Variants in ABCA12 observed in about 807,000 individuals in gnomAD.
ABCA12 encodes ATP binding cassette subfamily A member 12, also known as glucosylceramide transporter ABCA12.
A neutral mutation model predicts 293.5 loss-of-function variants in ABCA12; 156 were observed. The observed-to-expected ratio is 0.53, with a 90% CI of 0.47 to 0.61. ABCA12 has a LOEUF of 0.61. Ranked by LOEUF, ABCA12 falls within the 20% of genes least tolerant of loss-of-function variation. ABCA12 has a pLI of 0.00. For synonymous variants in ABCA12, 1,063 were observed against 1,108.0 expected (o/e 0.96, Z 0.81); for missense variants, 2,797 against 3,090.2 (o/e 0.91, Z 2.25).
Position 214,986,629 on chromosome 2 carries a change from AC to A in ABCA12, c.4075del (p.Val1359LeufsTer8). The stretch of plus-strand genomic sequence containing the variant: ...GTTCAGATTGAGGTTATCAACAGCA[AC>A]TTTTGAGCCATAGATCTTTGTGACC... Reference protein sequence around the residue: ...HGVTKIYGSKVAVDNLNLNFY... With the variant: ...HGVTKIYGSKXAVDNLNLNFY... On this transcript the variant is annotated frameshift_variant, in exon 28 of 53. Coordinates refer to ENST00000272895, the MANE Select transcript of ABCA12 (RefSeq NM_173076.3). LOFTEE classifies it high-confidence loss of function. 6.2e-7 allele frequency: 1 copy of A among 1,614,084 alleles called. No homozygotes were observed. Among genetic ancestry groups the A allele is most frequent in the Non-Finnish European group, 8.5e-7 (1 of 1,179,986 alleles).
chr2:215,117,939 TG>T (rs750778109), intron 1 of ABCA12, among the ~76,000 whole-genome samples: 1 of 152,208 alleles, frequency 6.6e-6, no homozygotes, highest in Admixed American at 6.5e-5. Flanking sequence ...GAAATGTGAA[TG>T]CCTTTAAATA....
At chr2:215,117,085 G>A (rs1195842953) in intron 1 of ABCA12, among the ~76,000 whole-genome samples, 2 of 152,178 alleles carry the variant, frequency 1.3e-5, no homozygotes, top group Non-Finnish European at 2.9e-5. Flanking sequence ...GGGGGTAATG[G>A]AGCACCAATT....
At chr2:214,991,508 C>A (rs2105977420) in intron 23 of ABCA12, among the ~76,000 whole-genome samples, 1 of 151,940 alleles carries the variant, frequency 6.6e-6, no homozygotes, top group East Asian at 1.9e-4. Context: ...CACTAATGAA[C>A]AACACAATCA....
intron 1 of ABCA12, among the ~76,000 whole-genome samples, chr2:215,127,166 T>C (rs907134019): frequency 6.6e-6 from 1 of 152,202 alleles, no homozygotes; most frequent in Non-Finnish European, 1.5e-5. Flanking sequence ...GTGCTTGATA[T>C]AATTTCAATT....
At chr2:214,991,554 T>C (rs1009298490) in intron 23 of ABCA12, among the ~76,000 whole-genome samples, 1 of 152,162 alleles carries the variant, frequency 6.6e-6, no homozygotes, top group African/African-American at 2.4e-5. Context: ...TATACCTGAT[T>C]CCTAAGAATT....
chr2:215,002,659 G>A (rs1385348986), intron 20 of ABCA12, among the ~76,000 whole-genome samples: 1 of 152,146 alleles, frequency 6.6e-6, no homozygotes, highest in African/African-American at 2.4e-5. Flanking sequence ...TTTACTTGAT[G>A]TAGATGTTGG....
In ABCA12 at chr2:214,937,509, CT is replaced by C; in HGVS notation, c.7542del (p.Asp2515IlefsTer7). ...MQLHFPKTYL[K>X]DQHLSMLEYH... ...CACTGCACCCAGCCATCATCACTTA[CT>C]TTTAAGTATGTTTTTGGAAAGTGCA... On this transcript the variant is annotated frameshift_variant and splice_region_variant, in exon 51 of 53. Transcript: ENST00000272895. LOFTEE classifies it high-confidence loss of function. 1 of 1,612,116 alleles carries C rather than the reference CT, an allele frequency of 6.2e-7. No individual in the cohort carries two copies. The highest frequency in any genetic ancestry group is 2.2e-5 in the East Asian group (1 of 44,854).
intron 1 of ABCA12, among the ~76,000 whole-genome samples, chr2:215,132,950 G>T (rs1054868832): frequency 1.3e-5 from 2 of 151,890 alleles, no homozygotes; most frequent in African/African-American, 4.8e-5. Context: ...GTGTTTTCTT[G>T]TCTGGGAAAG....
intron 39 of ABCA12, among the ~76,000 whole-genome samples, chr2:214,964,933 A>G (rs1699217423): frequency 6.6e-6 from 1 of 152,174 alleles, no homozygotes; most frequent in African/African-American, 2.4e-5. Context: ...ATCCTAAGTA[A>G]AAAGAACAAA....
chr2:214,958,991 G>A, intron 40 of ABCA12, 33 bp downstream of exon 40: 4 of 1,601,086 alleles, frequency 2.5e-6, no homozygotes, highest in Non-Finnish European at 3.4e-6. Flanking sequence ...CTATGTCAAG[G>A]AGAAAGTAGT....
At chr2:215,120,296 T>C (rs776941597) in intron 1 of ABCA12, among the ~76,000 whole-genome samples, 5 of 152,034 alleles carry the variant, frequency 3.3e-5, no homozygotes, top group Non-Finnish European at 7.4e-5. Flanking sequence ...GATGGAGACA[T>C]GGGTTGAAAA....
Position 215,051,910 on chromosome 2 carries a change from G to A in ABCA12, c.507+577C>T, listed in dbSNP as rs553715716. On this transcript the variant is annotated intron_variant, in intron 5 of 52. Coordinates refer to ENST00000272895, the MANE Select transcript of ABCA12 (RefSeq NM_173076.3). ...TCACATTCAATTTCTTAAAATCTCC[G>A]TACACACACTCACACACACATTTAG... Among the ~76,000 whole-genome samples, 21 of 152,048 alleles carry A rather than the reference G, an allele frequency of 1.4e-4. No homozygotes were observed. In the East Asian group the frequency reaches 3.1e-3, roughly 22 times the overall value.
At chr2:215,054,456 G>A in intron 4 of ABCA12, 117 bp downstream of exon 4, 1 of 880,610 alleles carries the variant, frequency 1.1e-6, no homozygotes, top group Non-Finnish European at 1.9e-6. Flanking sequence ...AGATCTCACA[G>A]GGCTATTCTA....
chr2:215,002,623 T>C (rs1267647523), intron 20 of ABCA12, among the ~76,000 whole-genome samples: 1 of 152,164 alleles, frequency 6.6e-6, no homozygotes, highest in Non-Finnish European at 1.5e-5. Flanking sequence ...TAAATGCATT[T>C]CTCATTAGAA....
chr2:214,950,766 A>G (rs1698740921), intron 45 of ABCA12, 113 bp downstream of exon 45: 1 of 1,198,196 alleles, frequency 8.3e-7, no homozygotes, highest in African/African-American at 1.5e-5. Flanking sequence ...CGGCCTCCCA[A>G]AGTGCTAAGA....
chr2:214,950,804 C>T (rs1698741800), intron 45 of ABCA12, 75 bp downstream of exon 45: 1 of 1,511,578 alleles, frequency 6.6e-7, no homozygotes, highest in South Asian at 1.1e-5. Context: ...TGTACCTGGC[C>T]AATAATTAAG....
At chr2:215,114,112 C>T (rs534192826) in intron 1 of ABCA12, among the ~76,000 whole-genome samples, 7 of 152,036 alleles carry the variant, frequency 4.6e-5, no homozygotes, top group South Asian at 2.1e-4. Context: ...GTAGCTGGGA[C>T]TACAGGCACA....
intron 9 of ABCA12, among the ~76,000 whole-genome samples, chr2:215,030,521 G>A (rs1700850839): frequency 6.6e-6 from 1 of 151,792 alleles, no homozygotes; most frequent in South Asian, 2.1e-4. Context: ...GGAGAATGGC[G>A]TGAAGCCGGG....
chr2:214,947,666 T>C (rs1207484692), intron 47 of ABCA12, 110 bp from the exon 48 acceptor site: 2 of 1,254,762 alleles, frequency 1.6e-6, no homozygotes, highest in Non-Finnish European at 2.2e-6. Flanking sequence ...TCATGGAGAA[T>C]ATATCTGGAA....
Sources: gnomAD v4.1 joint callset for allele counts (sites outside exome capture counted in the v4.1 genomes callset) on GRCh38, gnomAD v4.1.1 for gene constraint, MANE v1.5 for transcripts, NCBI Gene and HGNC (gene_info 2026-07-23, HGNC 2026-07-21) for gene names.